CCDC171: variants seen among roughly 807,000 people sequenced by gnomAD.
CCDC171 encodes coiled-coil domain-containing protein 171.
In CCDC171, 177 loss-of-function variants were observed where a neutral mutation model predicts 168.2. The ratio of observed to expected loss-of-function variants is 1.05; its 90% CI spans 0.93 to 1.19. The LOEUF is 1.19. CCDC171 is among the 50% of genes most tolerant of loss of function. The pLI, the probability that CCDC171 is intolerant of heterozygous loss-of-function variation, is 0.00. For missense variants in CCDC171, 1,991 were observed against 1,539.0 expected (o/e 1.29, Z -4.91); for synonymous variants, 687 against 540.8 (o/e 1.27, Z -3.75).
intron 21 of CCDC171, among the ~76,000 whole-genome samples, chr9:15,807,955 A>G (rs2059154843): frequency 1.3e-5 from 2 of 151,628 alleles, no homozygotes; most frequent in East Asian, 1.9e-4. Context: ...TTTTTGCCCT[A>G]TGCTACTGGT....
chr9:16,058,084 C>T (rs758080671), intron 1 of CCDC171, among the ~76,000 whole-genome samples: 15 of 152,028 alleles, frequency 9.9e-5, no homozygotes, highest in East Asian at 1.9e-4. Context: ...TTGGTTCACC[C>T]GTCTGTCAGA....
At chr9:15,696,323 G>T (rs186829906) in intron 11 of CCDC171, among the ~76,000 whole-genome samples, 1 of 152,294 alleles carries the variant, frequency 6.6e-6, no homozygotes, top group African/African-American at 2.4e-5. Context: ...TAAGCTATTA[G>T]AAATGTAGTG....
intron 24 of CCDC171, among the ~76,000 whole-genome samples, chr9:15,891,441 T>C (rs980184440): frequency 6.6e-6 from 1 of 152,282 alleles, no homozygotes; most frequent in African/African-American, 2.4e-5. Flanking sequence ...GGATGTGTCT[T>C]TGGTCCATTG....
At chr9:15,809,680 G>A (rs1563779374) in intron 21 of CCDC171, among the ~76,000 whole-genome samples, 1 of 152,200 alleles carries the variant, frequency 6.6e-6, no homozygotes, top group South Asian at 2.1e-4. Context: ...CTGGCCTCAG[G>A]AGTGAAGCTG....
chr9:16,048,468 G>A (rs1410582395), intron 1 of CCDC171, among the ~76,000 whole-genome samples: 8 of 152,150 alleles, frequency 5.3e-5, no homozygotes, highest in Non-Finnish European at 1.2e-4. Flanking sequence ...AATTAGTGAC[G>A]TTGGGCCCTG....
At chr9:15,934,720 C>A (rs183737414) in intron 25 of CCDC171, among the ~76,000 whole-genome samples, 2 of 152,162 alleles carry the variant, frequency 1.3e-5, no homozygotes, top group Admixed American at 6.6e-5. Flanking sequence ...TCTATAGCAG[C>A]ACTATTTACA....
intron 23 of CCDC171, among the ~76,000 whole-genome samples, chr9:15,862,103 A>G (rs1311723245): frequency 2.6e-5 from 4 of 151,250 alleles, no homozygotes; most frequent in Non-Finnish European, 4.4e-5. Flanking sequence ...AAGTCAATTG[A>G]TAGTTTAATA....
chr9:15,846,938 G>A, intron 22 of CCDC171, 91 bp downstream of exon 22: 1 of 1,146,328 alleles, frequency 8.7e-7, no homozygotes, highest in Non-Finnish European at 1.2e-6. Context: ...GGATAATACA[G>A]TGTTAGAAAA....
chr9:15,748,293 A>C (rs2055445549), intron 18 of CCDC171, among the ~76,000 whole-genome samples: 1 of 152,224 alleles, frequency 6.6e-6, no homozygotes, highest in South Asian at 2.1e-4. Context: ...AAAAAAAATG[A>C]ACAAAGCCTC....
At chr9:15,795,955 T>C (rs2058534124) in intron 21 of CCDC171, among the ~76,000 whole-genome samples, 1 of 152,234 alleles carries the variant, frequency 6.6e-6, no homozygotes, top group South Asian at 2.1e-4. Context: ...CAATTAGGGA[T>C]GTTTCTGCAT....
rs1041031781 is a variant in CCDC171, at chr9:15,889,086, A to G, written c.3600+14423A>G. ...CGACTCTCCTGCCTCAGCCTCCACA[A>G]TAACTGGGACCACAGGTGTGTGCCA... On this transcript the variant is annotated intron_variant, in intron 24 of 25. Transcript: ENST00000380701. 5 of 149,524 alleles carry G rather than the reference A, an allele frequency of 3.3e-5. No homozygotes were observed. The Admixed American group carries it at 3.4e-4, about 10-fold the overall frequency. 9.3% of individuals were successfully genotyped at this position (149,524 alleles called of 1,614,324 possible).
intron 3 of CCDC171, among the ~76,000 whole-genome samples, chr9:16,010,759 A>AAC (rs1832847413): frequency 6.6e-6 from 1 of 150,542 alleles, no homozygotes; most frequent in Non-Finnish European, 1.5e-5. Flanking sequence ...TAAAAAAAAA[A>AAC]ACCCAAACCT....
chr9:15,574,782 C>T (rs1172574722), intron 3 of CCDC171, among the ~76,000 whole-genome samples: 1 of 152,182 alleles, frequency 6.6e-6, no homozygotes, highest in Admixed American at 6.5e-5. Flanking sequence ...TCTTTAAAGA[C>T]TTCTGTAGGA....
intron 3 of CCDC171, among the ~76,000 whole-genome samples, chr9:15,983,282 A>G (rs1275980706): frequency 6.6e-5 from 10 of 152,142 alleles, no homozygotes; most frequent in African/African-American, 2.4e-4. Flanking sequence ...AGAACTGGAA[A>G]CATAATAGTT....
intron 6 of CCDC171, among the ~76,000 whole-genome samples, chr9:15,617,759 G>A (rs1266243239): frequency 6.6e-6 from 1 of 152,120 alleles, no homozygotes; most frequent in Admixed American, 6.5e-5. Context: ...TCTTCTGATG[G>A]TCTGCTGCAG....
chr9:15,582,690 C>G (rs547086221), intron 4 of CCDC171, among the ~76,000 whole-genome samples: 1 of 151,982 alleles, frequency 6.6e-6, no homozygotes, highest in Non-Finnish European at 1.5e-5. Context: ...GAACAGAAAA[C>G]CAAACAGCGC....
At chr9:15,967,613 A>G (rs1589273165) in intron 25 of CCDC171, among the ~76,000 whole-genome samples, 1 of 152,316 alleles carries the variant, frequency 6.6e-6, no homozygotes, top group Non-Finnish European at 1.5e-5. Context: ...TAGAATTTCA[A>G]AGCTGGAAAG....
intron 4 of CCDC171, among the ~76,000 whole-genome samples, chr9:15,580,577 A>G (rs1189967137): frequency 6.6e-6 from 1 of 152,178 alleles, no homozygotes; most frequent in Admixed American, 6.5e-5. Context: ...AAGGACATAT[A>G]TAGACAATTC....
At position 15,619,554 on chromosome 9, in the gene CCDC171, G is replaced by C. The variant is rs139783716; in HGVS notation, c.676-3713G>C. Among the ~76,000 whole-genome samples the C allele has an allele frequency of 1.5e-4, 23 of 152,304 alleles. No homozygotes were observed. In the East Asian group the frequency reaches 4.2e-3, roughly 28 times the overall value. ...GAGGTGAGGAATTTGGAGAAGAAAA[G>C]TTGGAGGCTAGGAGAGATTGGTTCA... On this transcript the variant is annotated intron_variant, in intron 6 of 25. Transcript: ENST00000380701.
Sources: gnomAD v4.1 joint callset for allele counts (sites outside exome capture counted in the v4.1 genomes callset) on GRCh38, gnomAD v4.1.1 for gene constraint, MANE v1.5 for transcripts, NCBI Gene and HGNC (gene_info 2026-07-23, HGNC 2026-07-21) for gene names.